ERC2: variants seen among roughly 807,000 people sequenced by gnomAD.
The protein encoded by ERC2 is ERC protein 2.
A neutral mutation model predicts 114.8 loss-of-function variants in ERC2; 42 were observed. The observed-to-expected ratio is 0.37, with a 90% CI of 0.29 to 0.47. The LOEUF (loss-of-function observed/expected upper bound fraction) is 0.47, where lower values mean the gene tolerates loss of function less well. ERC2 is among the 20% of genes least tolerant of loss of function. The probability of loss-of-function intolerance (pLI) is 0.99; values close to 1 mark genes in which losing one functional copy is unlikely to be tolerated. For synonymous variants in ERC2, 454 were observed against 425.5 expected (o/e 1.07, Z -0.82); for missense variants, 939 against 1,150.7 (o/e 0.82, Z 2.66).
intron 3 of ERC2, among the ~76,000 whole-genome samples, chr3:56,242,062 G>A (rs1413325678): frequency 1.3e-5 from 2 of 152,088 alleles, no homozygotes; most frequent in Non-Finnish European, 2.9e-5. Context: ...GCAAAAATAT[G>A]GAACCAACCT....
At chr3:56,423,901 G>T (rs1039564184) in intron 2 of ERC2, among the ~76,000 whole-genome samples, 1 of 152,164 alleles carries the variant, frequency 6.6e-6, no homozygotes, top group East Asian at 1.9e-4. Flanking sequence ...ACCACTTATT[G>T]AGTCCAAATG....
chr3:56,407,749 C>T (rs2060784128), intron 2 of ERC2, among the ~76,000 whole-genome samples: 1 of 152,138 alleles, frequency 6.6e-6, no homozygotes, highest in Non-Finnish European at 1.5e-5. Flanking sequence ...CAGGTCCTAG[C>T]AATTGAATCA....
chr3:55,551,321 G>A (rs1047905171), intron 17 of ERC2, among the ~76,000 whole-genome samples: 5 of 151,784 alleles, frequency 3.3e-5, no homozygotes, highest in East Asian at 2.0e-4. Flanking sequence ...TCAGGAGTTC[G>A]AGACCAGCCT....
chr3:56,070,189 A>T (rs1448382419), intron 7 of ERC2, among the ~76,000 whole-genome samples: 2 of 152,238 alleles, frequency 1.3e-5, no homozygotes, highest in Non-Finnish European at 2.9e-5. Flanking sequence ...GTAAAAAAAG[A>T]CAGAACATTT....
chr3:56,215,639 A>G lies in ERC2; in HGVS notation c.1075-42119T>C, dbSNP rs566156725. 1.9e-3 allele frequency among the ~76,000 whole-genome samples: 289 copies of G among 152,312 alleles called. 4 individuals carry two copies. The highest frequency in any genetic ancestry group is 3.8e-3 in the Non-Finnish European group (259 of 68,010). On this transcript the variant is annotated intron_variant, in intron 3 of 17. Coordinates refer to ENST00000288221, the MANE Select transcript of ERC2 (RefSeq NM_015576.3). Reference sequence around the variant, plus strand: ...AATTGAACTCAGCTCTGCACCAAGCAGACCTAATAGACACCTACAGAACTC... The same window carrying G: ...AATTGAACTCAGCTCTGCACCAAGCGGACCTAATAGACACCTACAGAACTC...
intron 17 of ERC2, among the ~76,000 whole-genome samples, chr3:55,669,472 T>C (rs1003633692): frequency 1.3e-5 from 2 of 152,262 alleles, no homozygotes; most frequent in Admixed American, 6.5e-5. Flanking sequence ...TCGGCCAAGA[T>C]AAGAGAGTAC....
Position 56,129,197 on chromosome 3 carries a change from G to A in ERC2, c.1473+10312C>T, listed in dbSNP as rs59550330. 0.012 allele frequency among the ~76,000 whole-genome samples: 1,775 copies of A among 152,238 alleles called. 75 individuals carry two copies. In the East Asian group the frequency reaches 0.15, roughly 13 times the overall value. On this transcript the variant is annotated intron_variant, in intron 6 of 17. Coordinates refer to ENST00000288221, the MANE Select transcript of ERC2 (RefSeq NM_015576.3). ...TTTAATTTAAGAAAGATAAAAGTTC[G>A]TATGAAAATGGGTGAAAAATCCTTG...
chr3:56,146,832 C>T (rs1020873239), intron 5 of ERC2, among the ~76,000 whole-genome samples: 5 of 152,166 alleles, frequency 3.3e-5, no homozygotes, highest in East Asian at 1.9e-4. Flanking sequence ...CACCTCACTC[C>T]ACTACTTTCC....
intron 17 of ERC2, among the ~76,000 whole-genome samples, chr3:55,541,007 T>C (rs1265760489): frequency 6.6e-6 from 1 of 152,114 alleles, no homozygotes; most frequent in East Asian, 1.9e-4. Flanking sequence ...CAAGTATATA[T>C]ATAAACATCA....
chr3:56,168,791 G>T (rs1430472859), intron 4 of ERC2, among the ~76,000 whole-genome samples: 1 of 152,194 alleles, frequency 6.6e-6, no homozygotes, highest in African/African-American at 2.4e-5. Flanking sequence ...ACAGTTATCT[G>T]CCTGGGCACA....
At chr3:56,286,738 G>A (rs1231662380) in intron 3 of ERC2, among the ~76,000 whole-genome samples, 2 of 150,806 alleles carry the variant, frequency 1.3e-5, no homozygotes, top group Admixed American at 1.3e-4. Context: ...CATTTAAAAA[G>A]GTAAAAAACA....
chr3:55,828,014 CCATTTTA>C (rs2060404651), intron 14 of ERC2, among the ~76,000 whole-genome samples: 1 of 152,238 alleles, frequency 6.6e-6, no homozygotes, highest in Non-Finnish European at 1.5e-5. Context: ...AAGTTGTCAG[CCATTTTA>C]AACACTCAGC....
intron 3 of ERC2, among the ~76,000 whole-genome samples, chr3:56,291,146 GA>G (rs1283126843): frequency 1.3e-5 from 2 of 152,142 alleles, no homozygotes; most frequent in African/African-American, 4.8e-5. Context: ...TTTCTTTAAT[GA>G]GATCAGTTGT....
chr3:55,550,646 G>T (rs752389788), intron 17 of ERC2, among the ~76,000 whole-genome samples: 6 of 152,146 alleles, frequency 3.9e-5, no homozygotes, highest in Admixed American at 2.0e-4. Context: ...CTTGTCCAAG[G>T]TCACACAGCT....
rs770974829 is a variant in ERC2, at chr3:56,272,424, T to C, written c.1074+23595A>G. On this transcript the variant is annotated intron_variant, in intron 3 of 17. Transcript: ENST00000288221. Reference sequence around the variant, plus strand: ...ACCATTTTCCCATCCTTGGTGACTATTCAGATGCAATTCTATGTGAAACTA... The same window carrying C: ...ACCATTTTCCCATCCTTGGTGACTACTCAGATGCAATTCTATGTGAAACTA... 3.9e-5 allele frequency among the ~76,000 whole-genome samples: 6 copies of C among 152,338 alleles called. No homozygotes were observed. In the East Asian group the frequency reaches 9.6e-4, roughly 24 times the overall value.
chr3:56,300,139 G>A (rs1252855881), intron 2 of ERC2, among the ~76,000 whole-genome samples: 1 of 152,094 alleles, frequency 6.6e-6, no homozygotes, highest in Non-Finnish European at 1.5e-5. Flanking sequence ...CGGGAGGGAG[G>A]AAGGATGGCA....
intron 7 of ERC2, among the ~76,000 whole-genome samples, chr3:56,061,435 C>T (rs2076241460): frequency 6.6e-6 from 1 of 152,178 alleles, no homozygotes; most frequent in Non-Finnish European, 1.5e-5. Context: ...ACTTATCTAA[C>T]CAAACTAGTT....
chr3:56,095,136 T>G (rs952605415), intron 6 of ERC2, among the ~76,000 whole-genome samples: 1 of 152,124 alleles, frequency 6.6e-6, no homozygotes, highest in Non-Finnish European at 1.5e-5. Context: ...AGCCCTATAG[T>G]CCCAACTACT....
intron 15 of ERC2, among the ~76,000 whole-genome samples, chr3:55,705,024 T>C (rs1048439764): frequency 1.3e-5 from 2 of 152,164 alleles, no homozygotes; most frequent in African/African-American, 4.8e-5. Flanking sequence ...CAAACCCAGA[T>C]GTCTGACTCC....
Sources: allele counts gnomAD v4.1 joint callset (sites outside exome capture counted in the v4.1 genomes callset), GRCh38; gene constraint gnomAD v4.1.1; transcripts MANE v1.5; gene names NCBI Gene and HGNC (gene_info 2026-07-23, HGNC 2026-07-21).